ANKRD24: variants seen among roughly 807,000 people sequenced by gnomAD.
ANKRD24 encodes ankyrin repeat domain-containing protein 24.
Under a neutral mutation model 127.8 loss-of-function variants are expected in ANKRD24, and 109 were observed. The observed-to-expected ratio is 0.85, with a 90% CI of 0.73 to 1.00. The LOEUF (loss-of-function observed/expected upper bound fraction) is 1.00, where lower values mean the gene tolerates loss of function less well. Among genes scored for constraint, ANKRD24 ranks in the 50% least tolerant of loss-of-function variants. ANKRD24 has a pLI of 0.00. For missense variants in ANKRD24, 1,648 were observed against 1,570.2 expected, an observed-to-expected ratio of 1.05 and a Z score of -0.84; for synonymous variants, 743 against 671.1, an observed-to-expected ratio of 1.11 and a Z score of -1.66.
At chr19:4,208,296 G>A (rs1568330383) in intron 10 of ANKRD24, among the ~76,000 whole-genome samples, 1 of 151,942 alleles carries the variant, frequency 6.6e-6, no homozygotes, top group Non-Finnish European at 1.5e-5. Context: ...TTGAGGTCAG[G>A]GGTTCAAGAC....
chr19:4,203,957 CTTTTTTTT>C (rs34885254), intron 7 of ANKRD24, among the ~76,000 whole-genome samples: 1 of 62,360 alleles, frequency 1.6e-5, no homozygotes, highest in Non-Finnish European at 2.8e-5. Context: ...GCCCTTCTCC[CTTTTTTTT>C]TTTTTTTTTT....
At position 4,195,162 on chromosome 19, in the gene ANKRD24, T is replaced by TTA. The variant is rs1213528339; in HGVS notation, c.37-4521_37-4520insTA. On this transcript the variant is annotated intron_variant, in intron 2 of 21. Coordinates refer to ENST00000318934, the MANE Select transcript of ANKRD24 (RefSeq NM_001393985.1). The surrounding 1 kb of genome is among the most constrained non-coding windows in gnomAD (Gnocchi z 4.2). ...ACTTCTGCTCACTGCAAGCTCCGCC[T>TTA]CCCGGGTGCACGCCATTCTCCTGCC... 2.0e-5 allele frequency among the ~76,000 whole-genome samples: 3 copies of TTA among 151,416 alleles called. No homozygotes were observed. In the East Asian group the frequency reaches 5.8e-4, roughly 29 times the overall value.
chr19:4,195,060 T>TTTTGTTTGTTTGTTTGTTTGTTTG lies in ANKRD24; in HGVS notation c.37-4619_37-4596dup, dbSNP rs139221641. 6.7e-6 allele frequency among the ~76,000 whole-genome samples: 1 copy of TTTTGTTTGTTTGTTTGTTTGTTTG among 148,416 alleles called. No individual in the cohort carries two copies. Among genetic ancestry groups the TTTTGTTTGTTTGTTTGTTTGTTTG allele is most frequent in the Non-Finnish European group, 1.5e-5 (1 of 66,914 alleles). ...TCGGCGTGAGCCACCGCGCCCAGGT[T>TTTTGTTTGTTTGTTTGTTTGTTTG]TTTGTTTGTTTGTTTGTTTGTTTGT... On this transcript the variant is annotated intron_variant, in intron 2 of 21. Coordinates refer to ENST00000318934, the MANE Select transcript of ANKRD24 (RefSeq NM_001393985.1). This position sits in a 1 kb window ranked among gnomAD's most constrained non-coding sequence, Gnocchi z 4.2.
chr19:4,219,757 AGGTG>A lies in ANKRD24; in HGVS notation c.3171+4_3171+7del. On this transcript the variant is annotated splice_donor_variant and splice_donor_region_variant and coding_sequence_variant and intron_variant, in exon 19 of 22. Transcript: ENST00000318934. LOFTEE classifies it high-confidence loss of function. ...GACAAGGCCAAGGAGAAGGACAAGA[AGGTG>A]GGTGCCCCCTCTCCCACACTCAGTC... 6.2e-7 allele frequency: 1 copy of A among 1,600,330 alleles called. No homozygotes were observed. The highest frequency in any genetic ancestry group is 8.5e-7 in the Non-Finnish European group (1 of 1,172,342).
intron 2 of ANKRD24, among the ~76,000 whole-genome samples, chr19:4,192,047 C>T (rs1968417276): frequency 1.3e-5 from 2 of 152,084 alleles, no homozygotes; most frequent in Non-Finnish European, 2.9e-5. Context: ...CCTCAGCCTC[C>T]CAAAGTGCTG....
At chr19:4,190,202 G>A (rs569631390) in intron 2 of ANKRD24, among the ~76,000 whole-genome samples, 13 of 152,190 alleles carry the variant, frequency 8.5e-5, no homozygotes, top group South Asian at 6.2e-4. Flanking sequence ...TTGGAAGGCC[G>A]AGGTGGGTGG....
chr19:4,212,576 C>T, intron 14 of ANKRD24, 24 bp from the exon 15 acceptor site: 2 of 1,548,620 alleles, frequency 1.3e-6, no homozygotes, highest in Non-Finnish European at 1.7e-6. Context: ...CCAGAGGCAG[C>T]TGAGCCTCCA....
Position 4,215,968 on chromosome 19 carries a change from CT to C in ANKRD24, c.1198-9del, listed in dbSNP as rs1424611500. On this transcript the variant is annotated splice_polypyrimidine_tract_variant and intron_variant, in intron 15 of 21. Transcript: ENST00000318934. ...AGAACCCCGAGCTGGACTCTGCTCC[CT>C]CCCCCCAGAACGAGCGGGAGAATAC... The C allele has an allele frequency of 1.9e-6, 3 of 1,577,910 alleles. No homozygotes were observed. In the African/African-American group the frequency reaches 4.1e-5, roughly 21 times the overall value.
In ANKRD24 at chr19:4,217,661, C is replaced by A; in HGVS notation, c.2501C>A (p.Ala834Asp). The A allele has an allele frequency of 7.8e-7, 1 of 1,282,764 alleles. No homozygotes were observed. The highest frequency in any genetic ancestry group is 9.8e-7 in the Non-Finnish European group (1 of 1,018,386). The allele number at this position is 1,282,764 out of a possible 1,614,324, so 79.5% of individuals were successfully genotyped here. The change falls in exon 18 of 22, where the codon GCC (alanine) becomes GAC (aspartate). Residue 834 changes from alanine to aspartate, a missense_variant. Physicochemically the swap from Ala to Asp is moderately radical, Grantham distance 126. Transcript: ENST00000318934. Reference sequence around the variant, plus strand: ...GAGGAGGAGGCGCGGGGCCTGCGGGCCGAGCTGGCCCAGCGGGAGGAGGCG... The same window carrying A: ...GAGGAGGAGGCGCGGGGCCTGCGGGACGAGCTGGCCCAGCGGGAGGAGGCG... ...LAEEEARGLR[A>D]ELAQREEARL...
chr19:4,222,561 G>A (rs1257600739), intron 19 of ANKRD24, 109 bp from the exon 20 acceptor site: 35 of 1,332,046 alleles, frequency 2.6e-5, no homozygotes, highest in Non-Finnish European at 3.3e-5. Context: ...CCAGGGACGG[G>A]ACCTTCCCTT....
chr19:4,186,182 T>C (rs565033817), intron 1 of ANKRD24: 4 of 1,190,086 alleles, frequency 3.4e-6, no homozygotes, highest in Admixed American at 3.1e-5. Flanking sequence ...TCTGTCACTG[T>C]ATAGATGAGG....
rs977236591 is a variant in ANKRD24 at position 4,207,385 on chromosome 19, G to T, written c.537+73G>T. ...CTGCCACCAAGTGGCAGTATCTCAG[G>T]CACCCTTTGAAAGTCTGAGAAAGTT... On this transcript the variant is annotated intron_variant, in intron 8 of 21. Transcript: ENST00000318934. 11 of 1,579,778 alleles carry T rather than the reference G, an allele frequency of 7.0e-6. No individual in the cohort carries two copies. In the African/African-American group the frequency reaches 1.5e-4, roughly 21 times the overall value.
chr19:4,208,634 C>T (rs531524524), intron 10 of ANKRD24, 130 bp from the exon 11 acceptor site: 25 of 815,378 alleles, frequency 3.1e-5, no homozygotes, highest in Middle Eastern at 2.7e-4. Context: ...TCTACCCAAG[C>T]GCCAGATTTC....
intron 2 of ANKRD24, among the ~76,000 whole-genome samples, chr19:4,187,412 CAAAAAAGAAAA>C (rs1393925083): frequency 1.4e-5 from 2 of 140,916 alleles, no homozygotes; most frequent in Non-Finnish European, 3.1e-5. Flanking sequence ...GACTCCATCT[CAAAAAAGAAAA>C]AAAAAAGAAA....
intron 19 of ANKRD24, among the ~76,000 whole-genome samples, chr19:4,220,642 C>T (rs537551130): frequency 1.3e-5 from 2 of 151,974 alleles, no homozygotes; most frequent in African/African-American, 2.4e-5. Context: ...GTAAACTCTG[C>T]CTCCCGGGTT....
chr19:4,204,639 C>T (rs10417405), intron 7 of ANKRD24, among the ~76,000 whole-genome samples: 20,666 of 152,202 alleles, frequency 0.14, 1,533 homozygotes, highest in African/African-American at 0.16. Context: ...AGCCCCCGAC[C>T]TGTCCGCTGT....
intron 1 of ANKRD24, 54 bp from the exon 2 acceptor site, chr19:4,186,336 G>A: frequency 6.5e-7 from 1 of 1,545,852 alleles, no homozygotes; most frequent in South Asian, 1.2e-5. Flanking sequence ...AACGGACCCT[G>A]CCGCCCACCA....
At position 4,212,418 on chromosome 19, in the gene ANKRD24, T is replaced by A. The variant is rs977107884; in HGVS notation, c.1060-57T>A. The stretch of plus-strand genomic sequence containing the variant: ...GGAATGGAGGCTATGAAGCAGGAGG[T>A]GGGGCAGGGAGGCCTCTTGCCCAGA... On this transcript the variant is annotated intron_variant, in intron 13 of 21. Transcript: ENST00000318934. 7.1e-6 allele frequency: 11 copies of A among 1,539,784 alleles called. No homozygotes were observed. The South Asian group carries it at 1.3e-4, about 19-fold the overall frequency.
At chr19:4,212,223 T>A (rs944516321) in intron 13 of ANKRD24, among the ~76,000 whole-genome samples, 1 of 151,280 alleles carries the variant, frequency 6.6e-6, no homozygotes, top group Non-Finnish European at 1.5e-5. Flanking sequence ...AATAAATAAA[T>A]AAATAGGAAT....
Sources: gnomAD v4.1 joint callset for allele counts (sites outside exome capture counted in the v4.1 genomes callset) on GRCh38, gnomAD v4.1.1 for gene constraint, Gnocchi (gnomAD v3.1) non-coding constraint, MANE v1.5 for transcripts, NCBI Gene and HGNC (gene_info 2026-07-23, HGNC 2026-07-21) for gene names.